Variants in SEPTIN11 observed in about 807,000 individuals in gnomAD.
SEPTIN11 encodes the protein septin-11.
In SEPTIN11, 25 loss-of-function variants were observed where a neutral mutation model predicts 51.4. The ratio of observed to expected loss-of-function variants is 0.49; its 90% CI spans 0.35 to 0.68. SEPTIN11 has a LOEUF of 0.68. SEPTIN11 is among the 30% of genes least tolerant of loss of function. The pLI, the probability that SEPTIN11 is intolerant of heterozygous loss-of-function variation, is 0.00. For missense variants in SEPTIN11, 381 were observed against 520.8 expected (o/e 0.73, Z 2.61); for synonymous variants, 174 against 184.1 (o/e 0.95, Z 0.44).
At position 77,012,433 on chromosome 4, in the gene SEPTIN11, G is replaced by A. The variant is rs199933082; in HGVS notation, c.525+512G>A. On this transcript the variant is annotated intron_variant, in intron 4 of 9. Transcript: ENST00000264893. Reference sequence around the variant, plus strand: ...CCTTCTCTTTTTCACAACACATGAAGGAAGAGACTGGTAAGTTTGATAAAA... The same window carrying A: ...CCTTCTCTTTTTCACAACACATGAAAGAAGAGACTGGTAAGTTTGATAAAA... Among the ~76,000 whole-genome samples, 10 of 152,206 alleles carry A rather than the reference G, an allele frequency of 6.6e-5. No homozygotes were observed. In the East Asian group the frequency reaches 1.9e-3, roughly 29 times the overall value.
Position 77,036,025 on chromosome 4 carries a change from T to C in SEPTIN11, c.*1513T>C. The C allele has an allele frequency of 3.0e-6, 3 of 985,966 alleles. No individual in the cohort carries two copies. The highest frequency in any genetic ancestry group is 2.4e-6 in the Non-Finnish European group (2 of 829,988). 61.1% of individuals were successfully genotyped at this position (985,966 alleles called of 1,614,324 possible). ...GCTGCGTCTCCCCTGACACACACTT[T>C]CTTTTTTGAATGAGCAAGTCTCCAT... On this transcript the variant is annotated 3_prime_UTR_variant, in exon 10 of 10. Coordinates refer to ENST00000264893, the MANE Select transcript of SEPTIN11 (RefSeq NM_018243.4).
chr4:76,962,122 G>C (rs1721849145), intron 1 of SEPTIN11, among the ~76,000 whole-genome samples: 1 of 152,206 alleles, frequency 6.6e-6, no homozygotes, highest in African/African-American at 2.4e-5. Flanking sequence ...AAAAGAGCCT[G>C]TATTCAGATT....
chr4:76,952,521 G>A (rs1345680037), intron 1 of SEPTIN11, among the ~76,000 whole-genome samples: 2 of 152,108 alleles, frequency 1.3e-5, no homozygotes, highest in Non-Finnish European at 2.9e-5. Flanking sequence ...TGACATTTTA[G>A]TGGGCAAAAA....
chr4:76,964,248 T>G (rs571669865), intron 1 of SEPTIN11, among the ~76,000 whole-genome samples: 8 of 151,534 alleles, frequency 5.3e-5, no homozygotes, highest in Non-Finnish European at 1.2e-4. Context: ...AATAGTATAA[T>G]GAACCCTTCC....
intron 4 of SEPTIN11, among the ~76,000 whole-genome samples, chr4:77,013,653 T>A (rs1355735570): frequency 6.6e-6 from 1 of 152,220 alleles, no homozygotes; most frequent in Non-Finnish European, 1.5e-5. Flanking sequence ...CCAAGCATGG[T>A]GAGCTTAGGA....
chr4:76,956,879 A>G (rs1328041730), intron 1 of SEPTIN11, among the ~76,000 whole-genome samples: 1 of 151,580 alleles, frequency 6.6e-6, no homozygotes, highest in African/African-American at 2.4e-5. Flanking sequence ...CCAAGTCTTT[A>G]TTTTTAAAAT....
At position 76,949,903 on chromosome 4, in the gene SEPTIN11, G is replaced by T; in HGVS notation, c.-1G>T. 1.3e-6 allele frequency: 2 copies of T among 1,531,340 alleles called. No homozygotes were observed. Among genetic ancestry groups the T allele is most frequent in the Non-Finnish European group, 1.7e-6 (2 of 1,146,698 alleles). 94.9% of individuals were successfully genotyped at this position (1,531,340 alleles called of 1,614,324 possible). A position where few individuals can be genotyped will look rare whatever the true frequency, so the allele number is the denominator to read the frequency against. On this transcript the variant is annotated 5_prime_UTR_variant, in exon 1 of 10. Transcript: ENST00000264893. ...CAGCCGGAGCCGGTGCCGCAGCTGC[G>T]ATGGCCGTGGCCGTGGGGAGACCGT...
intron 5 of SEPTIN11, among the ~76,000 whole-genome samples, chr4:77,016,615 CATATATATATATATACACAT>C (rs1325573993): frequency 0.038 from 3,004 of 79,142 alleles, 99 homozygotes; most frequent in East Asian, 0.094. Context: ...TATATATACA[CATATATATATATATACACAT>C]ATATATATAT....
chr4:76,987,871 G>A (rs920878332), intron 1 of SEPTIN11: 3 of 963,998 alleles, frequency 3.1e-6, no homozygotes, highest in Non-Finnish European at 3.7e-6. Context: ...AGATGAAGGG[G>A]TATGTACTTC....
At chr4:76,969,428 A>G (rs539228470) in intron 1 of SEPTIN11, among the ~76,000 whole-genome samples, 2 of 152,252 alleles carry the variant, frequency 1.3e-5, no homozygotes, top group African/African-American at 2.4e-5. Context: ...AGCATTTTGG[A>G]GATTACAAAA....
chr4:76,977,299 A>G (rs1033777375), intron 1 of SEPTIN11, among the ~76,000 whole-genome samples: 3 of 152,242 alleles, frequency 2.0e-5, no homozygotes, highest in Non-Finnish European at 4.4e-5. Flanking sequence ...TTGTTAGGAA[A>G]TCAACAAAAC....
intron 1 of SEPTIN11, among the ~76,000 whole-genome samples, chr4:76,977,656 G>A (rs552790327): frequency 6.6e-6 from 1 of 151,332 alleles, no homozygotes; most frequent in Admixed American, 6.6e-5. Flanking sequence ...CAGGTAATGA[G>A]CATTTTTAGC....
rs1318495087 is a variant in SEPTIN11 at position 77,020,847 on chromosome 4, AACTT to A, written c.953+180_953+183del. The A allele has an allele frequency of 1.1e-5, 7 of 609,882 alleles. No homozygotes were observed. In the Admixed American group the frequency reaches 1.9e-4, roughly 17 times the overall value. 37.8% of individuals were successfully genotyped at this position (609,882 alleles called of 1,614,324 possible). A position where few individuals can be genotyped will look rare whatever the true frequency, so the allele number is the denominator to read the frequency against. On this transcript the variant is annotated intron_variant, in intron 7 of 9. Coordinates refer to ENST00000264893, the MANE Select transcript of SEPTIN11 (RefSeq NM_018243.4). ...TTGCTTTATTTGCATTATCTCAACTAACTTACCTAGTTGATGTCATTATTATCCA... is the reference window on the plus strand; with the variant it reads ...TTGCTTTATTTGCATTATCTCAACTAACCTAGTTGATGTCATTATTATCCA...
At chr4:76,972,658 A>C (rs1487584756) in intron 1 of SEPTIN11, 1 of 152,202 alleles carries the variant, frequency 6.6e-6, no homozygotes, top group African/African-American at 2.4e-5. Flanking sequence ...CAAGCAAGGG[A>C]GCCCTTAAGT....
At chr4:77,019,015 G>A in intron 5 of SEPTIN11, 150 bp from the exon 6 acceptor site, 1 of 624,688 alleles carries the variant, frequency 1.6e-6, no homozygotes, top group East Asian at 2.9e-5. Context: ...AAGGGGGGTG[G>A]GATACGTGAC....
At chr4:76,976,322 T>C (rs1350429187) in intron 1 of SEPTIN11, among the ~76,000 whole-genome samples, 1 of 152,216 alleles carries the variant, frequency 6.6e-6, no homozygotes, top group Non-Finnish European at 1.5e-5. Context: ...TCACTTCCTA[T>C]ACTTGTGTTA....
At chr4:77,029,049 G>A (rs368158349) in intron 8 of SEPTIN11, among the ~76,000 whole-genome samples, 163 of 152,300 alleles carry the variant, frequency 1.1e-3, no homozygotes, top group African/African-American at 3.8e-3. Context: ...CATGGCCTGT[G>A]TAGCTCTGTG....
intron 1 of SEPTIN11, among the ~76,000 whole-genome samples, chr4:76,966,094 G>C (rs1173309043): frequency 6.6e-6 from 1 of 152,198 alleles, no homozygotes; most frequent in African/African-American, 2.4e-5. Flanking sequence ...TCCTGGGAGA[G>C]AAGGAAAGTC....
At chr4:76,950,326 T>C (rs1429122962) in intron 1 of SEPTIN11, among the ~76,000 whole-genome samples, 2 of 152,212 alleles carry the variant, frequency 1.3e-5, no homozygotes, top group Non-Finnish European at 2.9e-5. Flanking sequence ...GAGGGGGCGC[T>C]CAGGGCATGG....
Sources: allele counts gnomAD v4.1 joint callset (sites outside exome capture counted in the v4.1 genomes callset), GRCh38; gene constraint gnomAD v4.1.1; transcripts MANE v1.5; gene names NCBI Gene and HGNC (gene_info 2026-07-23, HGNC 2026-07-21).